The following TNIK variants were observed in gnomAD, a reference collection of about 807,000 sequenced individuals.
TNIK encodes TRAF2 and NCK-interacting protein kinase.
Under a neutral mutation model 191.3 loss-of-function variants are expected in TNIK, and 49 were observed. The ratio of observed to expected loss-of-function variants is 0.26; its 90% confidence interval spans 0.20 to 0.32. TNIK has a LOEUF of 0.32. Ranked by LOEUF, TNIK falls within the 10% of genes least tolerant of loss-of-function variation. TNIK has a pLI of 1.00. For missense variants in TNIK, 1,155 were observed against 1,702.3 expected (o/e 0.68, Z 5.66); for synonymous variants, 594 against 600.9 (o/e 0.99, Z 0.17).
chr3:171,427,941 T>G (rs1253314641), intron 1 of TNIK, among the ~76,000 whole-genome samples: 1 of 152,136 alleles, frequency 6.6e-6, no homozygotes, highest in Admixed American at 6.6e-5. Flanking sequence ...GAGAGGACGC[T>G]GCAGTCTCCT....
At chr3:171,299,426 C>T (rs1024663155) in intron 2 of TNIK, among the ~76,000 whole-genome samples, 3 of 152,060 alleles carry the variant, frequency 2.0e-5, no homozygotes, top group African/African-American at 7.3e-5. Flanking sequence ...TTGTTGTTGC[C>T]TTGCCAGACG....
intron 2 of TNIK, among the ~76,000 whole-genome samples, chr3:171,240,124 T>C (rs1028425166): frequency 1.3e-5 from 2 of 152,238 alleles, no homozygotes; most frequent in Non-Finnish European, 2.9e-5. Context: ...GAGTTTTCCC[T>C]GACTCCAGTG....
chr3:171,140,559 G>T, intron 12 of TNIK, 50 bp from the exon 13 acceptor site: 2 of 1,562,600 alleles, frequency 1.3e-6, no homozygotes, highest in African/African-American at 1.4e-5. Context: ...CCCGGTGGGG[G>T]GTGTCAGGGA....
intron 2 of TNIK, among the ~76,000 whole-genome samples, chr3:171,351,230 TC>T (rs1713119553): frequency 6.6e-6 from 1 of 151,226 alleles, no homozygotes; most frequent in East Asian, 2.0e-4. Context: ...TTATTTACTT[TC>T]CCCAACAACC....
chr3:171,253,589 T>TCCCC (rs67388870), intron 2 of TNIK, among the ~76,000 whole-genome samples: 95 of 121,526 alleles, frequency 7.8e-4, no homozygotes, highest in Non-Finnish European at 1.1e-3. Context: ...AGAAGACAGG[T>TCCCC]CCCCCCCCCA....
chr3:171,333,121 A>G (rs1169210526), intron 2 of TNIK, among the ~76,000 whole-genome samples: 1 of 152,116 alleles, frequency 6.6e-6, no homozygotes, highest in Non-Finnish European at 1.5e-5. Context: ...ATTCTGCTTG[A>G]AAATATTTTG....
rs770215169 is a variant in TNIK at position 171,167,320 on chromosome 3, A to G, written c.774-50T>C. 1.1e-5 allele frequency: 18 copies of G among 1,585,288 alleles called. No homozygotes were observed. The Admixed American group carries it at 2.7e-4, about 24-fold the overall frequency. On this transcript the variant is annotated intron_variant, in intron 9 of 32. Coordinates refer to ENST00000436636, the MANE Select transcript of TNIK (RefSeq NM_015028.4). ...ACAGATAAAACGGCGATCCAAAGAAAAGCAAATGTGTAATTTCTGAAATGC... is the reference window on the plus strand; with the variant it reads ...ACAGATAAAACGGCGATCCAAAGAAGAGCAAATGTGTAATTTCTGAAATGC...
chr3:171,175,137 A>C, intron 9 of TNIK, 115 bp downstream of exon 9: 1 of 977,370 alleles, frequency 1.0e-6, no homozygotes. Context: ...TCACCAAGTC[A>C]TCATACATGT....
At chr3:171,419,791 A>G (rs187745521) in intron 1 of TNIK, among the ~76,000 whole-genome samples, 2 of 152,206 alleles carry the variant, frequency 1.3e-5, no homozygotes, top group East Asian at 2.0e-4. Context: ...GTTGAATATT[A>G]TTAGCATTTC....
At chr3:171,087,810 C>T (rs975586072) in intron 23 of TNIK, among the ~76,000 whole-genome samples, 1 of 152,174 alleles carries the variant, frequency 6.6e-6, no homozygotes, top group Admixed American at 6.5e-5. Flanking sequence ...CTGAGCAGGG[C>T]CCACACTTGT....
chr3:171,385,538 T>C (rs959480027), intron 1 of TNIK, among the ~76,000 whole-genome samples: 6 of 151,886 alleles, frequency 4.0e-5, no homozygotes, highest in Non-Finnish European at 8.8e-5. Context: ...ATAACATAAA[T>C]GCAAAGAGAG....
chr3:171,457,425 G>A (rs1345285695), intron 1 of TNIK, among the ~76,000 whole-genome samples: 2 of 152,144 alleles, frequency 1.3e-5, no homozygotes, highest in East Asian at 3.8e-4. Flanking sequence ...AAACAGCGAG[G>A]GACTGGTAAG....
intron 10 of TNIK, 61 bp downstream of exon 10, chr3:171,167,034 A>G: frequency 6.4e-7 from 1 of 1,551,794 alleles, no homozygotes; most frequent in South Asian, 1.2e-5. Context: ...CAAATACATC[A>G]AGCGCCCATG....
At chr3:171,169,455 A>C (rs1471440321) in intron 9 of TNIK, among the ~76,000 whole-genome samples, 1 of 152,028 alleles carries the variant, frequency 6.6e-6, no homozygotes, top group Non-Finnish European at 1.5e-5. Context: ...TTTAGTAGAG[A>C]CAGGGTTTTG....
intron 1 of TNIK, among the ~76,000 whole-genome samples, chr3:171,431,591 G>T (rs1725400279): frequency 6.6e-6 from 1 of 151,922 alleles, no homozygotes; most frequent in African/African-American, 2.4e-5. Flanking sequence ...CCATATTTTT[G>T]TTTTATGCAT....
intron 1 of TNIK, among the ~76,000 whole-genome samples, chr3:171,429,161 C>T (rs1725023847): frequency 6.6e-6 from 1 of 152,158 alleles, no homozygotes; most frequent in African/African-American, 2.4e-5. Flanking sequence ...AAACCAAACA[C>T]TCCATCTTAA....
intron 2 of TNIK, among the ~76,000 whole-genome samples, chr3:171,269,847 G>C (rs1292503606): frequency 2.0e-5 from 3 of 152,168 alleles, no homozygotes; most frequent in Non-Finnish European, 4.4e-5. Flanking sequence ...AAACATTTTA[G>C]GGGAGGGACT....
At chr3:171,268,505 T>C (rs1748675166) in intron 2 of TNIK, among the ~76,000 whole-genome samples, 1 of 152,016 alleles carries the variant, frequency 6.6e-6, no homozygotes, top group South Asian at 2.1e-4. Context: ...TGAACCCTGT[T>C]CTATACTAAG....
At chr3:171,140,598 A>G (rs1730683900) in intron 12 of TNIK, 89 bp from the exon 13 acceptor site, 1 of 1,230,788 alleles carries the variant, frequency 8.1e-7, no homozygotes, top group Non-Finnish European at 1.2e-6. Context: ...TGAACCCCAG[A>G]CATGAACTTT....
Sources: gnomAD v4.1 joint callset for allele counts (sites outside exome capture counted in the v4.1 genomes callset) on GRCh38, gnomAD v4.1.1 for gene constraint, MANE v1.5 for transcripts, NCBI Gene and HGNC (gene_info 2026-07-23, HGNC 2026-07-21) for gene names.